CLSTN1: variants seen among roughly 807,000 people sequenced by gnomAD.
The protein encoded by CLSTN1 is calsyntenin-1.
A neutral mutation model predicts 108.3 loss-of-function variants in CLSTN1; 28 were observed. The observed-to-expected ratio is 0.26, with a 90% CI of 0.19 to 0.35. The LOEUF (loss-of-function observed/expected upper bound fraction) is 0.35. CLSTN1 is among the 10% of genes least tolerant of loss of function. The probability of loss-of-function intolerance (pLI) is 1.00; values close to 1 mark genes in which losing one functional copy is unlikely to be tolerated. For synonymous variants in CLSTN1, 524 were observed against 534.9 expected, an observed-to-expected ratio of 0.98 and a Z score of 0.28; for missense variants, 1,157 against 1,302.6, an observed-to-expected ratio of 0.89 and a Z score of 1.72.
At chr1:9,814,774 C>T (rs116290187) in intron 1 of CLSTN1, among the ~76,000 whole-genome samples, 6,208 of 151,780 alleles carry the variant, frequency 0.041, 403 homozygotes, top group African/African-American at 0.14. Flanking sequence ...CCAGGCATGG[C>T]GGTGTGCACA....
intron 1 of CLSTN1, among the ~76,000 whole-genome samples, chr1:9,773,997 C>G (rs1652818378): frequency 6.6e-6 from 1 of 152,030 alleles, no homozygotes; most frequent in Non-Finnish European, 1.5e-5. Flanking sequence ...CTGCCTTGGC[C>G]TCCCAAAGTG....
At position 9,734,247 on chromosome 1, in the gene CLSTN1, C is replaced by T. The variant is rs12568720; in HGVS notation, c.2111-105G>A. On this transcript the variant is annotated intron_variant, in intron 14 of 18. Coordinates refer to ENST00000377298, the MANE Select transcript of CLSTN1 (RefSeq NM_001009566.3). The surrounding 1 kb of genome is among the most constrained non-coding windows in gnomAD (Gnocchi z 4.8). The stretch of plus-strand genomic sequence containing the variant: ...GCTCACCCCAAACCTACATGGCTCT[C>T]GTAAGGACCAACGACAGAAGCAAGC... 0.11 allele frequency: 127,554 copies of T among 1,136,890 alleles called. 17,220 individuals carry two copies. Among genetic ancestry groups the T allele is most frequent in the African/African-American group, 0.56 (36,055 of 64,838 alleles). The allele number at this position is 1,136,890 out of a possible 1,614,324, so 70.4% of individuals were successfully genotyped here.
chr1:9,734,229 C>T lies in CLSTN1; in HGVS notation c.2111-87G>A. 7.4e-7 allele frequency: 1 copy of T among 1,355,200 alleles called. No homozygotes were observed. Among genetic ancestry groups the T allele is most frequent in the Non-Finnish European group, 1.0e-6 (1 of 969,540 alleles). 83.9% of individuals were successfully genotyped at this position (1,355,200 alleles called of 1,614,324 possible). A position where few individuals can be genotyped will look rare whatever the true frequency, so the allele number is the denominator to read the frequency against. The stretch of plus-strand genomic sequence containing the variant: ...ACACTGGATGCCCTGCCGGCTCACC[C>T]CAAACCTACATGGCTCTCGTAAGGA... On this transcript the variant is annotated intron_variant, in intron 14 of 18. Coordinates refer to ENST00000377298, the MANE Select transcript of CLSTN1 (RefSeq NM_001009566.3). This position sits in a 1 kb window ranked among gnomAD's most constrained non-coding sequence, Gnocchi z 4.8.
At chr1:9,777,780 G>A (rs933993286) in intron 1 of CLSTN1, among the ~76,000 whole-genome samples, 1 of 152,068 alleles carries the variant, frequency 6.6e-6, no homozygotes, top group Non-Finnish European at 1.5e-5. Flanking sequence ...CCTTAACATA[G>A]TCTCTAGAAA....
intron 1 of CLSTN1, among the ~76,000 whole-genome samples, chr1:9,779,545 G>C (rs1208203468): frequency 6.6e-6 from 1 of 151,988 alleles, no homozygotes; most frequent in Non-Finnish European, 1.5e-5. Context: ...CATGGAGTTT[G>C]ACTCCAGCCT....
At chr1:9,736,188 A>C in intron 11 of CLSTN1, 146 bp from the exon 12 acceptor site, 1 of 905,272 alleles carries the variant, frequency 1.1e-6, no homozygotes, top group South Asian at 1.5e-5. Flanking sequence ...TAGCCTTGCA[A>C]TCTACATGGA....
chr1:9,782,294 C>A (rs904671114), intron 1 of CLSTN1, among the ~76,000 whole-genome samples: 2 of 152,062 alleles, frequency 1.3e-5, no homozygotes, highest in Non-Finnish European at 2.9e-5. Context: ...AAGTTTTATA[C>A]CCTATAAATG....
chr1:9,819,306 CAG>C (rs1655106857), intron 1 of CLSTN1, among the ~76,000 whole-genome samples: 1 of 152,064 alleles, frequency 6.6e-6, no homozygotes, highest in Admixed American at 6.6e-5. Flanking sequence ...AAAAATAACT[CAG>C]TACTTTTTTT....
intron 2 of CLSTN1, among the ~76,000 whole-genome samples, chr1:9,767,896 G>T (rs779933857): frequency 6.6e-5 from 10 of 152,034 alleles, no homozygotes; most frequent in Non-Finnish European, 1.5e-4. Context: ...TAACAGCAGC[G>T]GCAAATACTG....
At chr1:9,758,281 C>G (rs957429473) in intron 2 of CLSTN1, among the ~76,000 whole-genome samples, 1 of 151,920 alleles carries the variant, frequency 6.6e-6, no homozygotes, top group African/African-American at 2.4e-5. Flanking sequence ...GCGTGAGCCA[C>G]TGCGCCCAGC....
chr1:9,755,336 G>C (rs1465632610), intron 3 of CLSTN1, 27 bp from the exon 4 acceptor site: 1 of 1,573,864 alleles, frequency 6.4e-7, no homozygotes, highest in East Asian at 2.3e-5. Context: ...GAACAGGTAA[G>C]AATTCCTACC....
chr1:9,751,633 C>T lies in CLSTN1; in HGVS notation c.489G>A (p.Val163=), dbSNP rs780133914. 1 of 1,614,054 alleles carries T rather than the reference C, an allele frequency of 6.2e-7. No individual in the cohort carries two copies. Among genetic ancestry groups the T allele is most frequent in the Non-Finnish European group, 8.5e-7 (1 of 1,180,050 alleles). The change falls in exon 5 of 19, where the codon GTG becomes GTA. Residue 163 remains valine, a synonymous_variant. Coordinates refer to ENST00000377298, the MANE Select transcript of CLSTN1 (RefSeq NM_001009566.3). ...QVNDVNEYAP[V]FKEKSYKATV... ...TGGCTTTGTAGGACTTCTCCTTGAA[C>T]ACGGGCGCGTACTCATTCACGTCGT...
At chr1:9,763,820 C>T (rs1254657992) in intron 2 of CLSTN1, among the ~76,000 whole-genome samples, 1 of 152,214 alleles carries the variant, frequency 6.6e-6, no homozygotes, top group Non-Finnish European at 1.5e-5. Flanking sequence ...CACCTCTCCC[C>T]TCTCTTCACT....
At chr1:9,809,130 T>C (rs950675271) in intron 1 of CLSTN1, among the ~76,000 whole-genome samples, 1 of 152,158 alleles carries the variant, frequency 6.6e-6, no homozygotes, top group Non-Finnish European at 1.5e-5. Flanking sequence ...CCTTATTCTC[T>C]GCCAAGACTT....
At position 9,733,429 on chromosome 1, in the gene CLSTN1, C is replaced by T. The variant is rs199987563; in HGVS notation, c.2399G>A (p.Arg800His). 14 of 1,614,202 alleles carry T rather than the reference C, an allele frequency of 8.7e-6. No homozygotes were observed. The highest frequency in any genetic ancestry group is 1.7e-5 in the Admixed American group (1 of 60,022). ...CACCTTAAATTCGTTGCTGATGTAG[C>T]GGCCATTCAGCTCTGAGCAGATGAG... ...FKLICSELNGRYISNEFKVEV... is the reference protein window; with the variant it reads ...FKLICSELNGHYISNEFKVEV... Residue 800 changes from arginine to histidine, a missense_variant, in exon 16 of 19, where the codon CGC becomes CAC. By Grantham distance (29) the Arg-to-His change is conservative (BLOSUM62 0). Coordinates refer to ENST00000377298, the MANE Select transcript of CLSTN1 (RefSeq NM_001009566.3).
At chr1:9,779,511 C>T (rs1245435860) in intron 1 of CLSTN1, among the ~76,000 whole-genome samples, 2 of 152,082 alleles carry the variant, frequency 1.3e-5, no homozygotes, top group African/African-American at 4.8e-5. Context: ...GAGCCAAGAT[C>T]GCACCACTCC....
chr1:9,775,062 C>T (rs906320832), intron 1 of CLSTN1, among the ~76,000 whole-genome samples: 3 of 152,084 alleles, frequency 2.0e-5, no homozygotes, highest in African/African-American at 7.2e-5. Flanking sequence ...GTGAGGACGA[C>T]CAGAAGTCAC....
chr1:9,769,244 G>A (rs1652548764), intron 2 of CLSTN1, among the ~76,000 whole-genome samples: 1 of 151,882 alleles, frequency 6.6e-6, no homozygotes, highest in Admixed American at 6.6e-5. Context: ...CACTCCTCCA[G>A]CAGAGGACCC....
chr1:9,760,825 G>A (rs926540187), intron 2 of CLSTN1, among the ~76,000 whole-genome samples: 6 of 149,332 alleles, frequency 4.0e-5, no homozygotes, highest in Admixed American at 6.8e-5. Flanking sequence ...CACCACGCCC[G>A]CCCCAGTTCA....
Sources: allele counts gnomAD v4.1 joint callset (sites outside exome capture counted in the v4.1 genomes callset), GRCh38; gene constraint gnomAD v4.1.1; non-coding constraint Gnocchi (gnomAD v3.1); transcripts MANE v1.5; gene names NCBI Gene and HGNC (gene_info 2026-07-23, HGNC 2026-07-21).